Variants in ZYG11B observed in about 807,000 individuals in gnomAD.
ZYG11B encodes zyg-11 family member B, cell cycle regulator.
A neutral mutation model predicts 82.4 loss-of-function variants in ZYG11B; 36 were observed. The observed-to-expected ratio is 0.44, with a 90% confidence interval of 0.33 to 0.58. The LOEUF (loss-of-function observed/expected upper bound fraction) is 0.58, where lower values mean the gene tolerates loss of function less well. Ranked by LOEUF, ZYG11B falls within the 20% of genes least tolerant of loss-of-function variation. The pLI is 0.02. For synonymous variants in ZYG11B, 303 were observed against 312.8 expected, an observed-to-expected ratio of 0.97 and a Z score of 0.33; for missense variants, 552 against 895.6, an observed-to-expected ratio of 0.62 and a Z score of 4.90.
intron 2 of ZYG11B, among the ~76,000 whole-genome samples, chr1:52,767,895 A>G (rs1486133545): frequency 6.6e-6 from 1 of 152,126 alleles, no homozygotes; most frequent in East Asian, 1.9e-4. Context: ...TCGCTGCTTG[A>G]TGAGTGTTGA....
chr1:52,753,970 A>G (rs1015330724), intron 1 of ZYG11B, among the ~76,000 whole-genome samples: 3 of 151,168 alleles, frequency 2.0e-5, no homozygotes, highest in Non-Finnish European at 2.9e-5. Flanking sequence ...ACCTTAGGTG[A>G]TCTGTCTGCC....
At chr1:52,742,646 T>G (rs1248835120) in intron 1 of ZYG11B, among the ~76,000 whole-genome samples, 1 of 151,810 alleles carries the variant, frequency 6.6e-6, no homozygotes, top group African/African-American at 2.4e-5. Context: ...ATCGAGATCG[T>G]CCTGGCTAAC....
At chr1:52,816,386 C>T (rs927199237) in intron 12 of ZYG11B, 146 bp from the exon 13 acceptor site, 11 of 615,134 alleles carry the variant, frequency 1.8e-5, no homozygotes, top group Admixed American at 9.9e-5. Context: ...ATGGTTAAGA[C>T]AAAGAAATGA....
Position 52,821,785 on chromosome 1 carries a change from T to C in ZYG11B, c.*156T>C, listed in dbSNP as rs1344251950. 2.6e-5 allele frequency: 14 copies of C among 544,022 alleles called. No individual in the cohort carries two copies. In the East Asian group the frequency reaches 4.3e-4, roughly 17 times the overall value. 33.7% of individuals were successfully genotyped at this position (544,022 alleles called of 1,614,324 possible). A position where few individuals can be genotyped will look rare whatever the true frequency, so the allele number is the denominator to read the frequency against. On this transcript the variant is annotated 3_prime_UTR_variant, in exon 14 of 14. Transcript: ENST00000294353. ...TGTGTAGTACTGCCCATGTGAACAG[T>C]CTCTAATTTGTCTTGTGATTTTAAA...
intron 1 of ZYG11B, among the ~76,000 whole-genome samples, chr1:52,748,369 C>A (rs535484555): frequency 1.4e-5 from 2 of 145,166 alleles, no homozygotes; most frequent in East Asian, 3.9e-4. Flanking sequence ...CCTCAGTTTA[C>A]TTTTGTTCAA....
rs1553262784 is a variant in ZYG11B, at chr1:52,803,103, T to TATATATACAC, written c.1695+971_1695+972insCACATATATA. Among the ~76,000 whole-genome samples, 106 of 79,698 alleles carry TATATATACAC rather than the reference T, an allele frequency of 1.3e-3. 5 individuals carry two copies. The highest frequency in any genetic ancestry group is 1.9e-3 in the Admixed American group (12 of 6,330). The allele number at this position is 79,698 out of a possible 152,430, so 52.3% of individuals were successfully genotyped here. On this transcript the variant is annotated intron_variant, in intron 10 of 13. Coordinates refer to ENST00000294353, the MANE Select transcript of ZYG11B (RefSeq NM_024646.3). ...ATATATACACATATATATATACATA[T>TATATATACAC]ATATATATATATATACACACATATA...
chr1:52,762,976 T>TGGC (rs1553259195), intron 2 of ZYG11B, among the ~76,000 whole-genome samples: 2 of 103,100 alleles, frequency 1.9e-5, no homozygotes, highest in African/African-American at 8.4e-5. Context: ...GGTGAGAGAT[T>TGGC]GGGGGGGGGG....
chr1:52,772,459 G>T, intron 3 of ZYG11B: 2 of 1,576,520 alleles, frequency 1.3e-6, no homozygotes, highest in East Asian at 2.2e-5. Context: ...GTCACAAAAC[G>T]TACTTGTGCA....
intron 1 of ZYG11B, among the ~76,000 whole-genome samples, chr1:52,733,211 C>G (rs1274214509): frequency 6.6e-6 from 1 of 152,104 alleles, no homozygotes; most frequent in Admixed American, 6.5e-5. Context: ...AGATTTTACT[C>G]TGTGGTAAAA....
At position 52,817,775 on chromosome 1, in the gene ZYG11B, GTGTATATATATATATATATATA is replaced by G. The variant is rs1211744030; in HGVS notation, c.2044+1148_2044+1169del. 3.5e-3 allele frequency among the ~76,000 whole-genome samples: 113 copies of G among 32,578 alleles called. 2 individuals carry two copies. The highest frequency in any genetic ancestry group is 8.4e-3 in the African/African-American group (106 of 12,558). The allele number at this position is 32,578 out of a possible 152,430, so 21.4% of individuals were successfully genotyped here. On this transcript the variant is annotated intron_variant, in intron 13 of 13. Transcript: ENST00000294353. ...TTAATAGTAAAGTGTGTATATATAT[GTGTATATATATATATATATATA>G]TATATATATATATATATATTTTTTT...
intron 4 of ZYG11B, among the ~76,000 whole-genome samples, chr1:52,783,805 T>TACAC (rs144122989): frequency 0.019 from 2,575 of 134,990 alleles, 113 homozygotes; most frequent in African/African-American, 0.069. Context: ...TATATATATA[T>TACAC]ACACACACAC....
At chr1:52,811,012 C>T (rs1296197848) in intron 10 of ZYG11B, among the ~76,000 whole-genome samples, 2 of 143,266 alleles carry the variant, frequency 1.4e-5, no homozygotes, top group Non-Finnish European at 3.0e-5. Flanking sequence ...CCAGCCTGAG[C>T]GACCGAGCAA....
At position 52,796,273 on chromosome 1, in the gene ZYG11B, A is replaced by G; in HGVS notation, c.1335-19A>G. 6.2e-7 allele frequency: 1 copy of G among 1,603,240 alleles called. No individual in the cohort carries two copies. Among genetic ancestry groups the G allele is most frequent in the Non-Finnish European group, 8.5e-7 (1 of 1,170,690 alleles). On this transcript the variant is annotated intron_variant, in intron 6 of 13. Transcript: ENST00000294353. ...TGGGCCTCCACGATTAATTCATGAA[A>G]CCCTTTTTGTGTTTTCAGGTTTGAA...
chr1:52,731,217 G>A (rs1238740229), intron 1 of ZYG11B, among the ~76,000 whole-genome samples: 1 of 150,234 alleles, frequency 6.7e-6, no homozygotes, highest in East Asian at 2.0e-4. Context: ...AGGCTGCAGT[G>A]TGAGCTGCGA....
chr1:52,742,954 G>A (rs1215602414), intron 1 of ZYG11B, among the ~76,000 whole-genome samples: 21 of 151,236 alleles, frequency 1.4e-4, no homozygotes, highest in African/African-American at 2.9e-4. Context: ...GCCCCCGCCC[G>A]GCCAGCCGCC....
intron 1 of ZYG11B, among the ~76,000 whole-genome samples, chr1:52,743,402 TAAAAAAAAA>T: frequency 1.4e-5 from 1 of 69,116 alleles, no homozygotes; most frequent in South Asian, 5.7e-4. Flanking sequence ...CAATAAATAC[TAAAAAAAAA>T]AAAAAAAAAA....
intron 6 of ZYG11B, among the ~76,000 whole-genome samples, chr1:52,792,626 C>G (rs1240216702): frequency 1.3e-5 from 2 of 152,144 alleles, no homozygotes; most frequent in Non-Finnish European, 2.9e-5. Flanking sequence ...TCCATTTTTT[C>G]ATCCATGCTA....
chr1:52,783,770 G>A (rs1313000202), intron 4 of ZYG11B, among the ~76,000 whole-genome samples: 2 of 101,036 alleles, frequency 2.0e-5, no homozygotes, highest in African/African-American at 6.2e-5. Context: ...CTATAGGCGT[G>A]TACTACCATG....
intron 13 of ZYG11B, among the ~76,000 whole-genome samples, chr1:52,819,899 T>C (rs1046756501): frequency 2.0e-5 from 3 of 151,970 alleles, no homozygotes; most frequent in African/African-American, 7.2e-5. Flanking sequence ...ATGACAGCCC[T>C]GAATAATTTA....
Sources: allele counts gnomAD v4.1 joint callset (sites outside exome capture counted in the v4.1 genomes callset), GRCh38; gene constraint gnomAD v4.1.1; transcripts MANE v1.5; gene names NCBI Gene and HGNC (gene_info 2026-07-23, HGNC 2026-07-21).